CALN1: variants seen among roughly 807,000 people sequenced by gnomAD.
The protein encoded by CALN1 is calcium-binding protein 8.
CALN1 carries 17 observed loss-of-function variants against 30.6 expected under a neutral mutation model. The observed-to-expected ratio is 0.56, with a 90% CI of 0.38 to 0.83. The LOEUF (loss-of-function observed/expected upper bound fraction) is 0.83, where lower values mean the gene tolerates loss of function less well. Among genes scored for constraint, CALN1 ranks in the 40% least tolerant of loss-of-function variants. The pLI is 0.00. For synonymous variants in CALN1, 156 were observed against 131.4 expected (o/e 1.19, Z -1.28); for missense variants, 291 against 354.9 (o/e 0.82, Z 1.45).
chr7:72,475,356 G>T, the CALN1 span, among the ~76,000 whole-genome samples: 1 of 152,276 alleles, frequency 6.6e-6, no homozygotes, highest in South Asian at 2.1e-4. Flanking sequence ...TCAGGAGGCT[G>T]AGGCAGGAGA....
intron 3 of CALN1, among the ~76,000 whole-genome samples, chr7:72,112,914 T>C (rs1807679158): frequency 6.6e-6 from 1 of 152,086 alleles, no homozygotes; most frequent in African/African-American, 2.4e-5. Flanking sequence ...GGAAGGGCTG[T>C]TGGGGTTACG....
At chr7:72,446,508 T>C (rs1440789235) in intron 1 of CALN1, among the ~76,000 whole-genome samples, 6 of 142,256 alleles carry the variant, frequency 4.2e-5, no homozygotes, top group African/African-American at 7.9e-5. Flanking sequence ...GAGGGGAGAA[T>C]GAGGGCAGGG....
chr7:72,177,693 A>G (rs1789459383), intron 3 of CALN1, among the ~76,000 whole-genome samples: 1 of 148,444 alleles, frequency 6.7e-6, no homozygotes, highest in Middle Eastern at 3.5e-3. Flanking sequence ...TGAACCTGAG[A>G]GGCAGAAGCT....
chr7:72,125,844 C>G (rs10434994), intron 3 of CALN1, among the ~76,000 whole-genome samples: 34,230 of 145,960 alleles, frequency 0.23, 5,031 homozygotes, highest in East Asian at 0.67. Context: ...CCCTGTCGCC[C>G]AGGCTAGAGT....
At chr7:72,411,096 A>G (rs1012615047) in intron 1 of CALN1, among the ~76,000 whole-genome samples, 2 of 152,256 alleles carry the variant, frequency 1.3e-5, no homozygotes, top group Non-Finnish European at 2.9e-5. Context: ...GTGTAGAAAC[A>G]GAAGATAATG....
chr7:71,959,125 G>T (rs1328981449), intron 5 of CALN1, among the ~76,000 whole-genome samples: 1 of 152,196 alleles, frequency 6.6e-6, no homozygotes, highest in Admixed American at 6.5e-5. Flanking sequence ...TGAATGGCTT[G>T]CCCCTCTCCT....
At chr7:72,260,243 A>G (rs1184257743) in intron 3 of CALN1, among the ~76,000 whole-genome samples, 2 of 152,218 alleles carry the variant, frequency 1.3e-5, no homozygotes, top group African/African-American at 4.8e-5. Context: ...CTGTGCAGTG[A>G]TAAGAATAAG....
Position 72,359,914 on chromosome 7 carries a change from T to C in CALN1, c.119+43337A>G, listed in dbSNP as rs982596187. 3.8e-5 allele frequency among the ~76,000 whole-genome samples: 5 copies of C among 132,684 alleles called. 1 individual carries two copies. Among genetic ancestry groups the C allele is most frequent in the Admixed American group, 1.8e-4 (2 of 11,146 alleles). 87.0% of individuals were successfully genotyped at this position (132,684 alleles called of 152,430 possible). The stretch of plus-strand genomic sequence containing the variant: ...ACGGCATGAACCCAGGAGGCGGAGC[T>C]TGCAGTGAGCCAAAATCACGCCACT... On this transcript the variant is annotated intron_variant, in intron 2 of 6. Transcript: ENST00000395275.
At chr7:72,044,905 C>A (rs890917203) in intron 4 of CALN1, among the ~76,000 whole-genome samples, 4 of 152,184 alleles carry the variant, frequency 2.6e-5, no homozygotes, top group African/African-American at 9.7e-5. Context: ...GAGGCGTGAG[C>A]CACTGCACCC....
chr7:72,164,156 T>C (rs1042164959), intron 3 of CALN1, among the ~76,000 whole-genome samples: 8 of 151,706 alleles, frequency 5.3e-5, no homozygotes, highest in African/African-American at 1.9e-4. Context: ...CCATCTGAGG[T>C]GAGGAGTTCA....
intron 4 of CALN1, among the ~76,000 whole-genome samples, chr7:72,051,828 A>T (rs1802854589): frequency 6.6e-6 from 1 of 152,230 alleles, no homozygotes; most frequent in East Asian, 1.9e-4. Flanking sequence ...AGCTGCAAAC[A>T]GTGCTGGGGA....
the CALN1 span, among the ~76,000 whole-genome samples, chr7:72,495,019 C>G: frequency 6.6e-6 from 1 of 152,114 alleles, no homozygotes; most frequent in East Asian, 1.9e-4. Flanking sequence ...GAAATCACCC[C>G]CTATTACTTC....
At chr7:71,787,940 G>A in intron 6 of CALN1, 38 bp from the exon 7 acceptor site, 7 of 1,613,362 alleles carry the variant, frequency 4.3e-6, no homozygotes, top group Non-Finnish European at 5.9e-6. Flanking sequence ...AGAAGGAAGA[G>A]GGGTTGGGAG....
At chr7:72,011,218 GAAAAAACAAA>G (rs1007244198) in intron 5 of CALN1, among the ~76,000 whole-genome samples, 2 of 150,428 alleles carry the variant, frequency 1.3e-5, no homozygotes, top group African/African-American at 2.5e-5. Context: ...GGCAATATAG[GAAAAAACAAA>G]AAAAAACAAA....
rs201522077 is a variant in CALN1 at position 71,787,739 on chromosome 7, G to A, written c.*36C>T. 7.5e-6 allele frequency: 12 copies of A among 1,610,650 alleles called. No homozygotes were observed. The highest frequency in any genetic ancestry group is 1.8e-4 in the Middle Eastern group (1 of 5,552). On this transcript the variant is annotated 3_prime_UTR_variant, in exon 7 of 7. Transcript: ENST00000395275. ...CTGCCCGCACGGCATGCACATGCGC[G>A]GTGAGCTGCAACACAGTGTGGCTGG...
chr7:72,196,097 G>T (rs1463242716), intron 3 of CALN1, among the ~76,000 whole-genome samples: 1 of 151,902 alleles, frequency 6.6e-6, no homozygotes, highest in Non-Finnish European at 1.5e-5. Flanking sequence ...ATGCTAAGGG[G>T]TATTAAGTTT....
At chr7:72,425,882 G>C (rs1049072749) in intron 1 of CALN1, among the ~76,000 whole-genome samples, 5 of 152,110 alleles carry the variant, frequency 3.3e-5, no homozygotes, top group African/African-American at 7.2e-5. Flanking sequence ...GCTACCTGTC[G>C]GCTTTGGGAA....
upstream of CALN1, among the ~76,000 whole-genome samples, chr7:72,413,912 C>T (rs772883476): frequency 4.6e-5 from 7 of 151,872 alleles, 1 homozygote; most frequent in African/African-American, 7.3e-5. Context: ...ACGTACACAC[C>T]GCACTCCCAT....
At chr7:71,928,878 T>C (rs1213310954) in intron 5 of CALN1, among the ~76,000 whole-genome samples, 1 of 150,240 alleles carries the variant, frequency 6.7e-6, no homozygotes, top group Non-Finnish European at 1.5e-5. Context: ...AATACAAAAA[T>C]ACAAAAAAAA....
Sources: allele counts gnomAD v4.1 joint callset (sites outside exome capture counted in the v4.1 genomes callset), GRCh38; gene constraint gnomAD v4.1.1; transcripts MANE v1.5; gene names NCBI Gene and HGNC (gene_info 2026-07-23, HGNC 2026-07-21).